The following CACNA1I variants were observed in gnomAD, a reference collection of about 807,000 sequenced individuals.
CACNA1I encodes calcium voltage-gated channel subunit alpha1 I, also known as voltage-dependent T-type calcium channel subunit alpha-1I.
CACNA1I carries 74 observed loss-of-function variants against 201.6 expected under a neutral mutation model. The ratio of observed to expected loss-of-function variants is 0.37; its 90% confidence interval spans 0.30 to 0.45. CACNA1I has a LOEUF of 0.45. CACNA1I is among the 20% of genes least tolerant of loss of function. The probability of loss-of-function intolerance (pLI) is 1.00; values close to 1 mark genes in which losing one functional copy is unlikely to be tolerated. For synonymous variants in CACNA1I, 1,431 were observed against 1,345.2 expected, an observed-to-expected ratio of 1.06 and a Z score of -1.40; for missense variants, 2,346 against 3,138.1, an observed-to-expected ratio of 0.75 and a Z score of 6.03.
At chr22:39,630,683 G>A (rs113734812) in intron 4 of CACNA1I, among the ~76,000 whole-genome samples, 104 of 152,358 alleles carry the variant, frequency 6.8e-4, no homozygotes, top group African/African-American at 2.4e-3. Flanking sequence ...CGGGTGGGCA[G>A]CAGTAACTCA....
chr22:39,628,584 G>A (rs1012574736), intron 4 of CACNA1I, among the ~76,000 whole-genome samples: 6 of 152,076 alleles, frequency 3.9e-5, no homozygotes, highest in Non-Finnish European at 8.8e-5. Flanking sequence ...TCAGCAGTGG[G>A]CACCAAGGCC....
chr22:39,626,419 A>T (rs1933901858), intron 4 of CACNA1I, among the ~76,000 whole-genome samples: 1 of 152,044 alleles, frequency 6.6e-6, no homozygotes, highest in Admixed American at 6.6e-5. Context: ...GTTTTGGAAG[A>T]CACTCATCAG....
chr22:39,621,731 C>A (rs918952038), intron 4 of CACNA1I, among the ~76,000 whole-genome samples: 2 of 150,832 alleles, frequency 1.3e-5, no homozygotes, highest in Non-Finnish European at 3.0e-5. Context: ...GTTTGGGAGG[C>A]GAGGTAGGGC....
intron 4 of CACNA1I, among the ~76,000 whole-genome samples, chr22:39,620,911 C>T (rs1319599317): frequency 6.6e-6 from 1 of 152,090 alleles, no homozygotes; most frequent in Non-Finnish European, 1.5e-5. Flanking sequence ...GCATGTGCCA[C>T]CATGCCTGGC....
intron 24 of CACNA1I, among the ~76,000 whole-genome samples, chr22:39,668,797 G>A (rs1448731013): frequency 6.6e-6 from 1 of 152,172 alleles, no homozygotes; most frequent in Non-Finnish European, 1.5e-5. Context: ...ATGAGGTGGG[G>A]AGAGGAGGCA....
intron 3 of CACNA1I, among the ~76,000 whole-genome samples, chr22:39,618,656 G>T (rs1933635285): frequency 6.6e-6 from 1 of 151,836 alleles, no homozygotes; most frequent in African/African-American, 2.4e-5. Context: ...TGACATGGGT[G>T]GTGACAGGTG....
intron 4 of CACNA1I, among the ~76,000 whole-genome samples, chr22:39,622,301 C>T (rs1403649085): frequency 2.7e-5 from 4 of 147,514 alleles, no homozygotes; most frequent in African/African-American, 5.0e-5. Context: ...GAGAATGGGG[C>T]TGGGGGTCGG....
chr22:39,589,949 C>T (rs542849507), intron 1 of CACNA1I, among the ~76,000 whole-genome samples: 23 of 152,302 alleles, frequency 1.5e-4, no homozygotes, highest in Admixed American at 1.2e-3. Flanking sequence ...TGGCCACCCC[C>T]GCCAAACCCA....
chr22:39,627,305 G>A (rs1933926786), intron 4 of CACNA1I, among the ~76,000 whole-genome samples: 1 of 152,236 alleles, frequency 6.6e-6, no homozygotes, highest in Admixed American at 6.5e-5. Context: ...CACAGGTCTC[G>A]TGGTGCTGAT....
Position 39,647,814 on chromosome 22 carries a change from C to G in CACNA1I, c.1463-8C>G. 2 of 1,572,530 alleles carry G rather than the reference C, an allele frequency of 1.3e-6. No individual in the cohort carries two copies. On this transcript the variant is annotated splice_polypyrimidine_tract_variant and splice_region_variant and intron_variant, in intron 8 of 36. Coordinates refer to ENST00000402142, the MANE Select transcript of CACNA1I (RefSeq NM_021096.4). ...GGAGAAGATAGTAATATTATCTCCA[C>G]TTTTCAGATGGGAAGACTAAGGGTC...
chr22:39,619,125 G>T (rs1225311969), intron 3 of CACNA1I, among the ~76,000 whole-genome samples, 185 bp from the exon 4 acceptor site: 1 of 152,208 alleles, frequency 6.6e-6, no homozygotes, highest in African/African-American at 2.4e-5. Context: ...GCCATTTACA[G>T]AGGAGGAGAC....
At position 39,679,137 on chromosome 22, in the gene CACNA1I, C is replaced by T. The variant is rs1366726851; in HGVS notation, c.5086C>T (p.Arg1696Cys). 3 of 1,594,384 alleles carry T rather than the reference C, an allele frequency of 1.9e-6. No individual in the cohort carries two copies. The highest frequency in any genetic ancestry group is 1.7e-6 in the Non-Finnish European group (2 of 1,171,788). The part of the protein sequence containing the change: ...DTLRDCTHDE[R>C]SCLSSLQFVS... ...GCTGCGGGACTGCACCCACGACGAG[C>T]GCAGCTGCCTGAGCAGCCTGCAGTT... Residue 1696 changes from arginine (R) to cysteine (C), a missense_variant, in exon 32 of 37, where the codon CGC (arginine) becomes TGC (cysteine). Physicochemically the swap from Arg to Cys is radical, Grantham distance 180 (BLOSUM62 -3). Transcript: ENST00000402142.
rs1244959755 is a variant in CACNA1I, at chr22:39,648,106, G to A, written c.1567+180G>A. Among the ~76,000 whole-genome samples, 12 of 152,154 alleles carry A rather than the reference G, an allele frequency of 7.9e-5. No homozygotes were observed. The highest frequency in any genetic ancestry group is 1.9e-4 in the East Asian group (1 of 5,176). On this transcript the variant is annotated intron_variant, in intron 9 of 36. Transcript: ENST00000402142. This position sits in a 1 kb window ranked among gnomAD's most constrained non-coding sequence, Gnocchi z 5.4. ...CCCCCAGCACGTGGCCGTCCACGGC[G>A]GGAGTCAGCCACCCCAGGCCCTGCT...
At position 39,578,590 on chromosome 22, in the gene CACNA1I, C is replaced by G. The variant is rs549104105; in HGVS notation, c.236+7602C>G. The stretch of plus-strand genomic sequence containing the variant: ...CAGTCACCTCTCCCCTGGGCTCCCC[C>G]TCTCCTCCCCAGTTCGCCTTCCTCC... On this transcript the variant is annotated intron_variant, in intron 1 of 36. Coordinates refer to ENST00000402142, the MANE Select transcript of CACNA1I (RefSeq NM_021096.4). Among the ~76,000 whole-genome samples the G allele has an allele frequency of 3.3e-5, 5 of 152,176 alleles. No homozygotes were observed. In the South Asian group the frequency reaches 1.0e-3, roughly 32 times the overall value.
Position 39,686,302 on chromosome 22 carries a change from GC to G in CACNA1I, c.6571del (p.Arg2191GlyfsTer81). On this transcript the variant is annotated frameshift_variant, in exon 37 of 37. Coordinates refer to ENST00000402142, the MANE Select transcript of CACNA1I (RefSeq NM_021096.4). LOFTEE classifies it high-confidence loss of function. ...GCGGACCGCAGCAAGGACCCCCCCG[GC>G]CGGGCACCGCTGCCCATGGGCCTGG... Reference protein sequence around the residue: ...WAADRSKDPPGRAPLPMGLGP... With the variant: ...WAADRSKDPPXRAPLPMGLGP... 1.5e-6 allele frequency: 2 copies of G among 1,327,196 alleles called. No individual in the cohort carries two copies. Among genetic ancestry groups the G allele is most frequent in the Non-Finnish European group, 9.7e-7 (1 of 1,034,562 alleles). 82.2% of individuals were successfully genotyped at this position (1,327,196 alleles called of 1,614,324 possible).
chr22:39,615,296 G>A (rs564877015), intron 3 of CACNA1I, among the ~76,000 whole-genome samples: 1 of 152,186 alleles, frequency 6.6e-6, no homozygotes, highest in Admixed American at 6.5e-5. Flanking sequence ...ACCCTTGAAG[G>A]TCTCTTTGTT....
In CACNA1I at chr22:39,685,696, C is replaced by T; in HGVS notation, c.6028-65C>T. The T allele has an allele frequency of 3.1e-6, 4 of 1,306,568 alleles. No individual in the cohort carries two copies. The highest frequency in any genetic ancestry group is 9.9e-7 in the Non-Finnish European group (1 of 1,008,348). The allele number at this position is 1,306,568 out of a possible 1,614,324, so 80.9% of individuals were successfully genotyped here. On this transcript the variant is annotated intron_variant, in intron 36 of 36. Transcript: ENST00000402142. The surrounding 1 kb of genome is among the most constrained non-coding windows in gnomAD (Gnocchi z 5.0). The stretch of plus-strand genomic sequence containing the variant: ...CTGCTGCCTGCTGTGCGGGGGAGGG[C>T]GGCGTCCAGGTTGCTGGGGTGGGGG...
chr22:39,664,981 C>T, intron 21 of CACNA1I, 58 bp downstream of exon 21: 39 of 1,541,424 alleles, frequency 2.5e-5, no homozygotes, highest in Non-Finnish European at 3.3e-5. Flanking sequence ...CGAGAAGCCA[C>T]GGGTCGAATT....
intron 3 of CACNA1I, among the ~76,000 whole-genome samples, chr22:39,602,748 C>G (rs996324346): frequency 6.6e-6 from 1 of 152,150 alleles, no homozygotes; most frequent in Non-Finnish European, 1.5e-5. Context: ...TCCTCTTTCT[C>G]GGAAGATGAC....
Sources: gnomAD v4.1 joint callset for allele counts (sites outside exome capture counted in the v4.1 genomes callset) on GRCh38, gnomAD v4.1.1 for gene constraint, Gnocchi (gnomAD v3.1) non-coding constraint, MANE v1.5 for transcripts, NCBI Gene and HGNC (gene_info 2026-07-23, HGNC 2026-07-21) for gene names.